The following PIK3C2G variants were observed in gnomAD, a reference collection of about 807,000 sequenced individuals.
PIK3C2G encodes the protein phosphatidylinositol 3-kinase C2 domain-containing subunit gamma.
In PIK3C2G, 168 loss-of-function variants were observed where a neutral mutation model predicts 181.1. That is an observed-to-expected ratio of 0.93 (90% CI 0.82 to 1.05). PIK3C2G has a LOEUF of 1.05. PIK3C2G is among the 50% of genes least tolerant of loss of function. The pLI is 0.00. For synonymous variants in PIK3C2G, 573 were observed against 592.2 expected (o/e 0.97, Z 0.47); for missense variants, 1,869 against 1,732.8 (o/e 1.08, Z -1.40).
rs1951285808 is a variant in PIK3C2G, at chr12:18,325,214, A to C, written c.1272+116A>C. On this transcript the variant is annotated intron_variant, in intron 8 of 32. Transcript: ENST00000538779. ...CAAAAATGAATAAAACAGAGGATCTACACTTGAAAGGCTTTCATTTCAACC... is the reference window on the plus strand; with the variant it reads ...CAAAAATGAATAAAACAGAGGATCTCCACTTGAAAGGCTTTCATTTCAACC... 7 of 624,774 alleles carry C rather than the reference A, an allele frequency of 1.1e-5. 1 individual carries two copies. The South Asian group carries it at 1.4e-4, about 13-fold the overall frequency. The allele number at this position is 624,774 out of a possible 1,614,324, so 38.7% of individuals were successfully genotyped here.
intron 1 of PIK3C2G, among the ~76,000 whole-genome samples, chr12:18,255,197 T>C (rs1000953735): frequency 6.7e-6 from 1 of 148,214 alleles, no homozygotes; most frequent in Non-Finnish European, 1.5e-5. Context: ...GCCTGGGCAA[T>C]GAGTGAAACT....
intron 5 of PIK3C2G, among the ~76,000 whole-genome samples, chr12:18,306,472 G>A (rs1240888052): frequency 6.6e-6 from 1 of 152,044 alleles, no homozygotes; most frequent in African/African-American, 2.4e-5. Context: ...CACTGGTTTA[G>A]TGAAACAACG....
upstream of PIK3C2G, among the ~76,000 whole-genome samples, chr12:18,258,126 A>AT (rs1257461496): frequency 5.9e-5 from 9 of 152,058 alleles, no homozygotes; most frequent in Non-Finnish European, 1.2e-4. Flanking sequence ...TTAAAGCCTT[A>AT]TTTTTTCCAA....
At chr12:18,503,002 C>T (rs1212036336) in intron 22 of PIK3C2G, among the ~76,000 whole-genome samples, 1 of 152,136 alleles carries the variant, frequency 6.6e-6, no homozygotes, top group African/African-American at 2.4e-5. Flanking sequence ...TCAGTGGGGT[C>T]TCTGTTCATC....
chr12:18,437,307 G>C lies in PIK3C2G; in HGVS notation c.2504+13268G>C, dbSNP rs377466705. 9.9e-5 allele frequency among the ~76,000 whole-genome samples: 15 copies of C among 151,960 alleles called. 1 individual carries two copies. Among genetic ancestry groups the C allele is most frequent in the African/African-American group, 3.6e-4 (15 of 41,524 alleles). ...ATAAGAAAATGACAGTTACTTTCTT[G>C]TTTATTGTCTAAAGAACTTCAGATG... On this transcript the variant is annotated intron_variant, in intron 18 of 32. Coordinates refer to ENST00000538779, the MANE Select transcript of PIK3C2G (RefSeq NM_001288772.2).
chr12:18,627,880 T>C, intron 31 of PIK3C2G, among the ~76,000 whole-genome samples: 1 of 152,188 alleles, frequency 6.6e-6, no homozygotes. Context: ...TATCCTATGA[T>C]TGGAGACATT....
chr12:18,582,777 C>T (rs1487620260), intron 29 of PIK3C2G, among the ~76,000 whole-genome samples: 1 of 151,410 alleles, frequency 6.6e-6, no homozygotes, highest in Non-Finnish European at 1.5e-5. Flanking sequence ...GCCTTCAGTG[C>T]AGCCACCCTA....
At chr12:18,462,723 T>C (rs1267360490) in intron 18 of PIK3C2G, among the ~76,000 whole-genome samples, 1 of 152,182 alleles carries the variant, frequency 6.6e-6, no homozygotes, top group Non-Finnish European at 1.5e-5. Context: ...GCTGGTTTTA[T>C]TCCAAGTAAT....
intron 8 of PIK3C2G, among the ~76,000 whole-genome samples, chr12:18,327,763 C>G (rs75810990): frequency 2.0e-3 from 304 of 152,034 alleles, no homozygotes; most frequent in African/African-American, 7.1e-3. Flanking sequence ...AATCCTCCCC[C>G]CCAAGGTATC....
At chr12:18,360,804 T>C (rs1941170164) in intron 11 of PIK3C2G, among the ~76,000 whole-genome samples, 1 of 152,180 alleles carries the variant, frequency 6.6e-6, no homozygotes, top group Non-Finnish European at 1.5e-5. Context: ...TCTTTTCATC[T>C]TTTTGACTTT....
the PIK3C2G span, chr12:18,705,424 C>A: frequency 7.4e-7 from 1 of 1,357,150 alleles, no homozygotes; most frequent in Non-Finnish European, 1.0e-6. Flanking sequence ...ACGTTTAGTA[C>A]CTTTGCAAAA....
chr12:18,623,527 G>A (rs1565573398), intron 31 of PIK3C2G, among the ~76,000 whole-genome samples: 1 of 151,632 alleles, frequency 6.6e-6, no homozygotes, highest in Non-Finnish European at 1.5e-5. Flanking sequence ...GGAGTTTTTT[G>A]TGGTTCCACG....
intron 4 of PIK3C2G, among the ~76,000 whole-genome samples, 157 bp from the exon 5 acceptor site, chr12:18,293,744 T>C (rs7132223): frequency 0.06 from 9,070 of 152,228 alleles, 398 homozygotes; most frequent in Non-Finnish European, 0.092. Context: ...ATCTAACCAG[T>C]CTGATAAGTC....
At chr12:18,514,135 G>A (rs1321519491) in intron 24 of PIK3C2G, among the ~76,000 whole-genome samples, 1 of 151,704 alleles carries the variant, frequency 6.6e-6, no homozygotes, top group Non-Finnish European at 1.5e-5. Context: ...ACATAGTTGA[G>A]TATTTTCCAC....
the PIK3C2G span, among the ~76,000 whole-genome samples, chr12:18,682,285 GAT>G: frequency 6.6e-6 from 1 of 151,974 alleles, no homozygotes; most frequent in African/African-American, 2.4e-5. Context: ...TGGTCATAAA[GAT>G]ATCACGTGTT....
downstream of PIK3C2G, among the ~76,000 whole-genome samples, chr12:18,651,475 C>G (rs1173797952): frequency 6.6e-6 from 1 of 152,160 alleles, no homozygotes; most frequent in Non-Finnish European, 1.5e-5. Flanking sequence ...TCTCCCTTCA[C>G]TAGGCAATTA....
intron 24 of PIK3C2G, among the ~76,000 whole-genome samples, chr12:18,531,217 CT>C (rs1294314683): frequency 1.3e-5 from 2 of 152,134 alleles, no homozygotes; most frequent in Admixed American, 1.3e-4. Flanking sequence ...TTCCATCAAA[CT>C]GTTATCATCT....
At chr12:18,548,760 C>T (rs1006421570) in intron 26 of PIK3C2G, among the ~76,000 whole-genome samples, 2 of 151,958 alleles carry the variant, frequency 1.3e-5, no homozygotes. Context: ...TCCATTGAAG[C>T]CTTAAAAGGC....
In PIK3C2G at chr12:18,483,707, C is replaced by A. The variant is rs192354616; in HGVS notation, c.2505-4742C>A. Among the ~76,000 whole-genome samples the A allele has an allele frequency of 4.6e-3, 695 of 151,784 alleles. 3 individuals are homozygous for A. Among genetic ancestry groups the A allele is most frequent in the African/African-American group, 0.016 (656 of 41,392 alleles). ...CCCCGAGAATGTTTAAAAAAATGTG[C>A]TTTCCATTCTAAAGGCAACTCAAAC... On this transcript the variant is annotated intron_variant, in intron 18 of 32. Transcript: ENST00000538779.
Sources: gnomAD v4.1 joint callset for allele counts (sites outside exome capture counted in the v4.1 genomes callset) on GRCh38, gnomAD v4.1.1 for gene constraint, MANE v1.5 for transcripts, NCBI Gene and HGNC (gene_info 2026-07-23, HGNC 2026-07-21) for gene names.